The following CNTNAP2 variants were observed in gnomAD, a reference collection of about 807,000 sequenced individuals.
The protein encoded by CNTNAP2 is contactin-associated protein-like 2.
Under a neutral mutation model 155.2 loss-of-function variants are expected in CNTNAP2, and 98 were observed. That is an observed-to-expected ratio of 0.63 (90% CI 0.54 to 0.75). The LOEUF (loss-of-function observed/expected upper bound fraction) is 0.75. Ranked by LOEUF, CNTNAP2 falls within the 30% of genes least tolerant of loss-of-function variation. The probability of loss-of-function intolerance (pLI) is 0.00; values close to 1 mark genes in which losing one functional copy is unlikely to be tolerated. For missense variants in CNTNAP2, 1,727 were observed against 1,688.1 expected (o/e 1.02, Z -0.40); for synonymous variants, 651 against 631.2 (o/e 1.03, Z -0.47).
At chr7:147,157,207 T>C (rs1801942450) in intron 8 of CNTNAP2, among the ~76,000 whole-genome samples, 2 of 152,108 alleles carry the variant, frequency 1.3e-5, no homozygotes, top group Non-Finnish European at 2.9e-5. Flanking sequence ...ACTGAATGCA[T>C]GATGCCAGAA....
chr7:148,010,227 T>C (rs1346601640), intron 15 of CNTNAP2, among the ~76,000 whole-genome samples: 1 of 151,194 alleles, frequency 6.6e-6, no homozygotes, highest in Non-Finnish European at 1.5e-5. Context: ...TTGATAATTA[T>C]ATTAATATAT....
At chr7:146,733,906 A>G (rs960039457) in intron 1 of CNTNAP2, among the ~76,000 whole-genome samples, 8 of 152,236 alleles carry the variant, frequency 5.3e-5, no homozygotes, top group Admixed American at 4.6e-4. Context: ...TGCAGGCTGC[A>G]TGCTCAAATA....
chr7:148,188,629 G>A (rs949344188), intron 18 of CNTNAP2, among the ~76,000 whole-genome samples: 2 of 152,140 alleles, frequency 1.3e-5, no homozygotes, highest in African/African-American at 4.8e-5. Flanking sequence ...CCAAGCTAAT[G>A]GCATTAGTGC....
At chr7:146,964,177 C>T (rs1023528243) in intron 3 of CNTNAP2, among the ~76,000 whole-genome samples, 1 of 152,198 alleles carries the variant, frequency 6.6e-6, no homozygotes, top group Non-Finnish European at 1.5e-5. Context: ...AAAATCACTT[C>T]ATCATGGTGT....
At chr7:147,976,400 G>A (rs1373047175) in intron 14 of CNTNAP2, among the ~76,000 whole-genome samples, 3 of 152,060 alleles carry the variant, frequency 2.0e-5, no homozygotes, top group African/African-American at 7.3e-5. Context: ...TAATTCATAA[G>A]ACTTCTAATA....
At chr7:148,388,315 C>T (rs1011959636) in intron 22 of CNTNAP2, among the ~76,000 whole-genome samples, 3 of 119,882 alleles carry the variant, frequency 2.5e-5, no homozygotes, top group Non-Finnish European at 4.9e-5. Flanking sequence ...CCACAATAGT[C>T]CCCAGAGTGT....
chr7:147,674,295 A>C (rs2116971048), intron 13 of CNTNAP2, among the ~76,000 whole-genome samples: 1 of 152,174 alleles, frequency 6.6e-6, no homozygotes, highest in East Asian at 1.9e-4. Flanking sequence ...TGCCAAATAA[A>C]AGTCTTTACA....
intron 3 of CNTNAP2, among the ~76,000 whole-genome samples, chr7:147,033,190 A>ATATATATATATATATATG (rs1554427723): frequency 9.7e-5 from 9 of 92,474 alleles, no homozygotes; most frequent in Non-Finnish European, 1.6e-4. Context: ...ATATATATAT[A>ATATATATATATATATATG]TATATATATA....
intron 9 of CNTNAP2, among the ~76,000 whole-genome samples, chr7:147,318,627 A>G (rs1246562004): frequency 6.6e-6 from 1 of 151,974 alleles, no homozygotes; most frequent in Non-Finnish European, 1.5e-5. Flanking sequence ...GAACACATGG[A>G]CACAGGGAGG....
chr7:147,768,856 T>C (rs1345741548), intron 13 of CNTNAP2, among the ~76,000 whole-genome samples: 1 of 129,490 alleles, frequency 7.7e-6, no homozygotes, highest in African/African-American at 3.7e-5. Context: ...CAGATACTCT[T>C]AAAATTAGCA....
chr7:148,319,516 T>C (rs1422779615), intron 21 of CNTNAP2, among the ~76,000 whole-genome samples: 1 of 152,186 alleles, frequency 6.6e-6, no homozygotes. Flanking sequence ...TACCGTGGCC[T>C]GTTAGGAACC....
At chr7:148,006,033 C>T (rs1801972011) in intron 15 of CNTNAP2, among the ~76,000 whole-genome samples, 1 of 152,094 alleles carries the variant, frequency 6.6e-6, no homozygotes, top group Admixed American at 6.5e-5. Context: ...TAAAATCCTA[C>T]ACATAGTCGT....
At chr7:146,626,979 T>C (rs1407419480) in intron 1 of CNTNAP2, among the ~76,000 whole-genome samples, 1 of 152,174 alleles carries the variant, frequency 6.6e-6, no homozygotes, top group Admixed American at 6.6e-5. Flanking sequence ...TAGCCCATTT[T>C]CACATTTCTG....
chr7:148,174,410 T>A (rs958883520), intron 18 of CNTNAP2, among the ~76,000 whole-genome samples: 1 of 116,404 alleles, frequency 8.6e-6, no homozygotes, highest in African/African-American at 2.9e-5. Flanking sequence ...GCACAGCAGT[T>A]CCTGTGACCG....
chr7:147,416,193 T>C (rs1011490758), intron 10 of CNTNAP2, among the ~76,000 whole-genome samples: 20 of 152,316 alleles, frequency 1.3e-4, no homozygotes, highest in African/African-American at 4.8e-4. Context: ...TGATTTGTCT[T>C]CAATTACAAT....
intron 3 of CNTNAP2, among the ~76,000 whole-genome samples, chr7:146,975,150 A>G (rs1321873625): frequency 1.3e-5 from 2 of 152,102 alleles, no homozygotes; most frequent in Admixed American, 6.6e-5. Context: ...GCACAAGGAG[A>G]GAGAATCCAG....
At chr7:146,263,259 G>A (rs1250004402) in intron 1 of CNTNAP2, among the ~76,000 whole-genome samples, 2 of 145,766 alleles carry the variant, frequency 1.4e-5, no homozygotes, top group Admixed American at 6.6e-5. Context: ...GGGAGGGAGT[G>A]AGCGAGGGAG....
intron 1 of CNTNAP2, among the ~76,000 whole-genome samples, chr7:146,187,224 A>G (rs1182107612): frequency 6.6e-6 from 1 of 152,192 alleles, no homozygotes; most frequent in Non-Finnish European, 1.5e-5. Flanking sequence ...ATGTGAGTAG[A>G]ACATGAAAGA....
chr7:146,914,810 G>C (rs1031341296), intron 3 of CNTNAP2, among the ~76,000 whole-genome samples: 1 of 150,544 alleles, frequency 6.6e-6, no homozygotes, highest in Admixed American at 6.6e-5. Context: ...GTTTAATTAG[G>C]TTCCATCAAT....
Sources: allele counts gnomAD v4.1 joint callset (sites outside exome capture counted in the v4.1 genomes callset), GRCh38; gene constraint gnomAD v4.1.1; transcripts MANE v1.5; gene names NCBI Gene and HGNC (gene_info 2026-07-23, HGNC 2026-07-21).